The following KMT2E variants were observed in gnomAD, a reference collection of about 807,000 sequenced individuals.
KMT2E encodes lysine methyltransferase 2E (inactive), also known as histone reader KMT2E.
A neutral mutation model predicts 184.6 loss-of-function variants in KMT2E; 30 were observed. The ratio of observed to expected loss-of-function variants is 0.16; its 90% CI spans 0.12 to 0.22. The LOEUF is 0.22. Among genes scored for constraint, KMT2E ranks in the 10% least tolerant of loss-of-function variants. The pLI is 1.00. For synonymous variants in KMT2E, 815 were observed against 776.5 expected (o/e 1.05, Z -0.82); for missense variants, 2,023 against 2,237.4 (o/e 0.90, Z 1.93).
rs1487303192 is a variant in KMT2E at position 105,112,784 on chromosome 7, C to T, written c.5028C>T (p.His1676=). ...TTCATTCTCAAACTGCTGGACACCA[C>T]TTACCCCCACCCCCACCCCCTCCTG... The part of the protein sequence containing the change: ...SHIHSQTAGH[H]LPPPPPPPGP... Residue 1676 remains histidine, a synonymous_variant, in exon 27 of 27, where the codon CAC becomes CAT. Coordinates refer to ENST00000311117, the MANE Select transcript of KMT2E (RefSeq NM_182931.3). 3.7e-6 allele frequency: 6 copies of T among 1,610,966 alleles called. No individual in the cohort carries two copies. The highest frequency in any genetic ancestry group is 2.2e-5 in the East Asian group (1 of 44,686).
rs57911728 is a variant in KMT2E at position 105,070,632 on chromosome 7, CAAAAAAAAA to C, written c.498-2971_498-2963del. Among the ~76,000 whole-genome samples the C allele has an allele frequency of 3.8e-3, 225 of 59,534 alleles. 2 individuals are homozygous for C. Among genetic ancestry groups the C allele is most frequent in the African/African-American group, 0.015 (210 of 14,416 alleles). The allele number at this position is 59,534 out of a possible 152,430, so 39.1% of individuals were successfully genotyped here. Reference sequence around the variant, plus strand: ...TGTGTGAGAGAGCGGGACTGTGTCTCAAAAAAAAAAAAAAAAAAAAAAAAGCAAAGATTA... The same window carrying C: ...TGTGTGAGAGAGCGGGACTGTGTCTCAAAAAAAAAAAAAAAGCAAAGATTA... On this transcript the variant is annotated intron_variant, in intron 6 of 26. Transcript: ENST00000311117.
At chr7:105,104,178 T>G (rs75471603) in intron 17 of KMT2E, 43 of 152,276 alleles carry the variant, frequency 2.8e-4, no homozygotes, top group African/African-American at 8.7e-4. Flanking sequence ...ATTTGCTAAC[T>G]AGGTAACAAT....
At chr7:105,029,660 AAGG>A (rs1262181390) in intron 1 of KMT2E, among the ~76,000 whole-genome samples, 1 of 152,216 alleles carries the variant, frequency 6.6e-6, no homozygotes, top group Admixed American at 6.5e-5. Context: ...GGAACGAAAG[AAGG>A]AGAAGAGAAT....
At chr7:105,095,370 A>G (rs543559253) in intron 15 of KMT2E, among the ~76,000 whole-genome samples, 59 of 152,220 alleles carry the variant, frequency 3.9e-4, no homozygotes, top group African/African-American at 1.4e-3. Context: ...CATGGAATGT[A>G]TTTTTCCAGG....
At chr7:105,064,867 G>A (rs926807217) in intron 5 of KMT2E, among the ~76,000 whole-genome samples, 6 of 151,992 alleles carry the variant, frequency 3.9e-5, no homozygotes, top group Admixed American at 3.3e-4. Context: ...GGCTGATTTT[G>A]TCTAATGTGA....
intron 13 of KMT2E, among the ~76,000 whole-genome samples, chr7:105,087,607 A>G (rs994358381): frequency 3.3e-5 from 5 of 151,630 alleles, no homozygotes; most frequent in South Asian, 2.1e-4. Flanking sequence ...GTGTTTTAGT[A>G]GAGACGGGGT....
intron 7 of KMT2E, among the ~76,000 whole-genome samples, chr7:105,074,343 T>C (rs1022980596): frequency 1.3e-5 from 2 of 152,228 alleles, no homozygotes; most frequent in African/African-American, 2.4e-5. Flanking sequence ...TTGCTAGATA[T>C]GGCTGAATTG....
In KMT2E at chr7:105,070,632, CAAAAAAAAAA is replaced by C. The variant is rs57911728; in HGVS notation, c.498-2972_498-2963del. On this transcript the variant is annotated intron_variant, in intron 6 of 26. Coordinates refer to ENST00000311117, the MANE Select transcript of KMT2E (RefSeq NM_182931.3). ...TGTGTGAGAGAGCGGGACTGTGTCT[CAAAAAAAAAA>C]AAAAAAAAAAAAAAGCAAAGATTAG... is the stretch of plus-strand genomic sequence containing the variant. Among the ~76,000 whole-genome samples the C allele has an allele frequency of 2.9e-4, 17 of 59,516 alleles. No homozygotes were observed. The South Asian group carries it at 0.01, about 36-fold the overall frequency. The allele number at this position is 59,516 out of a possible 152,430, so 39.0% of individuals were successfully genotyped here. A position where few individuals can be genotyped will look rare whatever the true frequency, so the allele number is the denominator to read the frequency against.
chr7:105,032,743 A>G (rs1368548418), intron 1 of KMT2E, among the ~76,000 whole-genome samples: 2 of 152,214 alleles, frequency 1.3e-5, no homozygotes, highest in Non-Finnish European at 2.9e-5. Flanking sequence ...GGCCTCAAGC[A>G]GTCCTCCTGC....
chr7:105,020,170 A>T (rs1274145807), intron 1 of KMT2E, among the ~76,000 whole-genome samples: 3 of 152,028 alleles, frequency 2.0e-5, no homozygotes, highest in Non-Finnish European at 4.4e-5. Context: ...GAATTTTAAT[A>T]TTGAGAAAGA....
intron 15 of KMT2E, among the ~76,000 whole-genome samples, chr7:105,096,286 C>CATTT (rs1798411328): frequency 6.7e-6 from 1 of 150,216 alleles, no homozygotes; most frequent in South Asian, 2.1e-4. Context: ...CTTCCTCCCC[C>CATTT]ATTTATAATG....
At chr7:105,045,553 C>G (rs1337058795) in intron 3 of KMT2E, among the ~76,000 whole-genome samples, 2 of 152,122 alleles carry the variant, frequency 1.3e-5, no homozygotes, top group Admixed American at 6.6e-5. Flanking sequence ...TACTTATTCT[C>G]TTATGTCTGG....
chr7:105,099,057 T>C (rs1798542190), intron 15 of KMT2E, among the ~76,000 whole-genome samples: 1 of 152,214 alleles, frequency 6.6e-6, no homozygotes. Context: ...TGTCAAAGAA[T>C]GTACTGTATG....
In KMT2E at chr7:105,107,449, A is replaced by G. The variant is rs372763512; in HGVS notation, c.2992A>G (p.Ile998Val). Residue 998 changes from isoleucine to valine, a missense_variant, in exon 22 of 27, where the codon ATT becomes GTT. By Grantham distance (29) the Ile-to-Val change is conservative. Transcript: ENST00000311117. ...TELGLQEIKT[I>V]GYTSPRSRTE... ...ACTGGGTCTGCAAGAAATAAAGACT[A>G]TTGGTTATACGAGCCCTAGGAGTAG... 5.0e-6 allele frequency: 8 copies of G among 1,614,014 alleles called. No homozygotes were observed. The highest frequency in any genetic ancestry group is 2.7e-5 in the African/African-American group (2 of 75,040).
At chr7:105,047,801 AC>A (rs1299744254) in intron 3 of KMT2E, among the ~76,000 whole-genome samples, 2 of 152,202 alleles carry the variant, frequency 1.3e-5, no homozygotes, top group African/African-American at 4.8e-5. Context: ...ATTTATGACT[AC>A]CTGTGCTTTT....
At position 105,112,333 on chromosome 7, in the gene KMT2E, A is replaced by C. The variant is rs1799336515; in HGVS notation, c.4577A>C (p.Gln1526Pro). Reference sequence around the variant, plus strand: ...TTATTTACACAGACACCCTCAGGACAATCTTCAGCAACATACAGTCAGTTT... The same window carrying C: ...TTATTTACACAGACACCCTCAGGACCATCTTCAGCAACATACAGTCAGTTT... ...GTLFTQTPSG[Q>P]SSATYSQFNQ... The change falls in exon 27 of 27, where the codon CAA (glutamine) becomes CCA (proline). Residue 1526 changes from glutamine to proline, a missense_variant. This residue lies in a region of KMT2E where 1,108 missense variants were observed against 1,050.9 expected (regional missense o/e 1.05). Coordinates refer to ENST00000311117, the MANE Select transcript of KMT2E (RefSeq NM_182931.3). 1 of 1,613,644 alleles carries C rather than the reference A, an allele frequency of 6.2e-7. No individual in the cohort carries two copies. Among genetic ancestry groups the C allele is most frequent in the Non-Finnish European group, 8.5e-7 (1 of 1,180,026 alleles).
chr7:105,099,004 G>A (rs1027153030), intron 15 of KMT2E, among the ~76,000 whole-genome samples: 2 of 152,096 alleles, frequency 1.3e-5, no homozygotes, highest in Admixed American at 6.6e-5. Context: ...CTATAAAATG[G>A]GAGGCAAATT....
At chr7:105,110,227 G>GT (rs1799152815) in intron 23 of KMT2E, 53 bp from the exon 24 acceptor site, 1 of 1,379,068 alleles carries the variant, frequency 7.3e-7, no homozygotes, top group East Asian at 2.3e-5. Context: ...AAGCAACAAT[G>GT]TAACTAGCAG....
chr7:105,063,329 A>G (rs10226852), intron 4 of KMT2E, 22 bp from the exon 5 acceptor site: 58 of 1,477,904 alleles, frequency 3.9e-5, no homozygotes, highest in Non-Finnish European at 5.3e-5. Flanking sequence ...ATATTGTGCT[A>G]TATTTGTGTT....
Sources: allele counts gnomAD v4.1 joint callset (sites outside exome capture counted in the v4.1 genomes callset), GRCh38; gene constraint gnomAD v4.1.1; regional missense constraint gnomAD v4.1.1; transcripts MANE v1.5; gene names NCBI Gene and HGNC (gene_info 2026-07-23, HGNC 2026-07-21).